EEIG2: variants seen among roughly 807,000 people sequenced by gnomAD.
The protein encoded by EEIG2 is EEIG family member 2.
chr1:108,622,382 A>G, the EEIG2 span, among the ~76,000 whole-genome samples: 1 of 152,212 alleles, frequency 6.6e-6, no homozygotes, highest in Non-Finnish European at 1.5e-5. Flanking sequence ...GCAGTCAGCC[A>G]GGAGAAAGGT....
the EEIG2 span, among the ~76,000 whole-genome samples, chr1:108,634,064 T>C: frequency 6.6e-6 from 1 of 152,204 alleles, no homozygotes; most frequent in Admixed American, 6.5e-5. Context: ...ATGTGCAAAC[T>C]GTCATTTCAC....
the EEIG2 span, chr1:108,560,434 G>C: frequency 6.2e-7 from 1 of 1,604,128 alleles, no homozygotes; most frequent in Non-Finnish European, 8.5e-7. Context: ...TCACGATGAT[G>C]AAGAAGAAGA....
chr1:108,579,772 T>TGTGAGAGA, the EEIG2 span, among the ~76,000 whole-genome samples: 26 of 58,870 alleles, frequency 4.4e-4, no homozygotes, highest in Middle Eastern at 9.8e-3. Flanking sequence ...TGTGTGTGTG[T>TGTGAGAGA]GAGAGAGAGA....
the EEIG2 span, among the ~76,000 whole-genome samples, chr1:108,621,501 G>T: frequency 6.6e-6 from 1 of 152,134 alleles, no homozygotes; most frequent in Non-Finnish European, 1.5e-5. Context: ...TTTTGAGACC[G>T]CAGAACAAGG....
the EEIG2 span, among the ~76,000 whole-genome samples, chr1:108,573,418 A>G: frequency 6.6e-6 from 1 of 152,228 alleles, no homozygotes; most frequent in South Asian, 2.1e-4. Context: ...GAACTGCTAC[A>G]CAACCCTTGA....
the EEIG2 span, among the ~76,000 whole-genome samples, chr1:108,590,658 A>ACAAGCAGCCTGGCTT: frequency 6.6e-6 from 1 of 152,212 alleles, no homozygotes; most frequent in Non-Finnish European, 1.5e-5. Flanking sequence ...GGATTTGAAC[A>ACAAGCAGCCTGGCTT]CAAGCAGCCT....
the EEIG2 span, among the ~76,000 whole-genome samples, chr1:108,562,702 A>T: frequency 6.6e-6 from 1 of 152,220 alleles, no homozygotes; most frequent in East Asian, 1.9e-4. Flanking sequence ...CAAAACACCT[A>T]AACAGTGCCT....
At chr1:108,636,285 CT>C in the EEIG2 span, 1 of 152,176 alleles carries the variant, frequency 6.6e-6, no homozygotes, top group African/African-American at 2.4e-5. Flanking sequence ...TAGAGTTTTT[CT>C]GTTCTTACAT....
chr1:108,587,542 C>T, the EEIG2 span, among the ~76,000 whole-genome samples: 3 of 152,094 alleles, frequency 2.0e-5, no homozygotes, highest in Non-Finnish European at 4.4e-5. Flanking sequence ...GTTTCACTGC[C>T]CTAAAAATCC....
chr1:108,581,988 G>C, the EEIG2 span, among the ~76,000 whole-genome samples: 1 of 152,054 alleles, frequency 6.6e-6, no homozygotes, highest in African/African-American at 2.4e-5. Context: ...CTTATTTTAA[G>C]AAATTGCCAC....
chr1:108,583,521 C>T, the EEIG2 span, among the ~76,000 whole-genome samples: 7 of 151,244 alleles, frequency 4.6e-5, no homozygotes, highest in Non-Finnish European at 5.9e-5. Context: ...ATATTTATTT[C>T]AATAATACTA....
chr1:108,613,148 G>T, the EEIG2 span, among the ~76,000 whole-genome samples: 1 of 152,194 alleles, frequency 6.6e-6, no homozygotes, highest in Non-Finnish European at 1.5e-5. Flanking sequence ...ATATGGGAAG[G>T]AAAATGTTCA....
the EEIG2 span, among the ~76,000 whole-genome samples, chr1:108,580,090 G>A: frequency 8.5e-4 from 129 of 152,200 alleles, 2 homozygotes; most frequent in Admixed American, 3.1e-3. Context: ...AACAGTGTGA[G>A]CTCACTTCAT....
chr1:108,597,495 G>A, the EEIG2 span, among the ~76,000 whole-genome samples: 2 of 152,222 alleles, frequency 1.3e-5, no homozygotes, highest in Non-Finnish European at 2.9e-5. Context: ...AGTCAGGGAA[G>A]GAGAGGTCTG....
chr1:108,609,735 G>A, the EEIG2 span, among the ~76,000 whole-genome samples: 190 of 152,290 alleles, frequency 1.2e-3, no homozygotes, highest in African/African-American at 4.3e-3. Context: ...CAAGAGGAAC[G>A]AGATCATGAC....
the EEIG2 span, among the ~76,000 whole-genome samples, chr1:108,594,500 T>A: frequency 6.6e-6 from 1 of 152,224 alleles, no homozygotes; most frequent in Non-Finnish European, 1.5e-5. Flanking sequence ...GAGTGACCTT[T>A]GACAAGTCAC....
chr1:108,607,744 G>C, the EEIG2 span, among the ~76,000 whole-genome samples: 1 of 152,182 alleles, frequency 6.6e-6, no homozygotes, highest in African/African-American at 2.4e-5. Context: ...AACAAGGTCT[G>C]CTGTAGTTGA....
the EEIG2 span, among the ~76,000 whole-genome samples, chr1:108,579,764 T>TGAGAGAGAGAGA: frequency 5.8e-5 from 1 of 17,310 alleles, no homozygotes; most frequent in Non-Finnish European, 1.9e-4. Context: ...TGTGTGTGTG[T>TGAGAGAGAGAGA]GTGTGTGTGA....
chr1:108,607,786 G>A, the EEIG2 span, among the ~76,000 whole-genome samples: 1 of 152,112 alleles, frequency 6.6e-6, no homozygotes. Context: ...CTCTAAAAAG[G>A]TCTTGAAACC....
Sources: allele counts gnomAD v4.1 joint callset (sites outside exome capture counted in the v4.1 genomes callset), GRCh38; gene constraint gnomAD v4.1.1; transcripts MANE v1.5; gene names NCBI Gene and HGNC (gene_info 2026-07-23, HGNC 2026-07-21).